PCED1B: variants seen among roughly 807,000 people sequenced by gnomAD.
PCED1B encodes PC-esterase domain-containing protein 1B.
For synonymous variants in PCED1B, 251 were observed against 246.1 expected (o/e 1.02, Z -0.19); for missense variants, 573 against 573.9 (o/e 1.00, Z 0.02).
intron 3 of PCED1B, among the ~76,000 whole-genome samples, chr12:47,228,663 A>C (rs1943706846): frequency 6.6e-6 from 1 of 152,080 alleles, no homozygotes; most frequent in Admixed American, 6.5e-5. Context: ...TGAGGTCAGG[A>C]GTTCAAGACC....
At position 47,158,710 on chromosome 12, in the gene PCED1B, T is replaced by A. The variant is rs117624760; in HGVS notation, c.-526+54515T>A. Among the ~76,000 whole-genome samples the A allele has an allele frequency of 3.3e-3, 509 of 152,354 alleles. 8 individuals are homozygous for A. In the South Asian group the frequency reaches 0.04, roughly 12 times the overall value. ...GATATTTTGTTACATGCATAGACTG[T>A]AATAATCAAGTCAGGGTACTGGGGT... On this transcript the variant is annotated intron_variant, in intron 2 of 3. Transcript: ENST00000546455.
At chr12:47,193,067 T>C (rs1942496004) in intron 2 of PCED1B, among the ~76,000 whole-genome samples, 1 of 152,224 alleles carries the variant, frequency 6.6e-6, no homozygotes, top group Admixed American at 6.5e-5. Context: ...ATTTTGCTAA[T>C]TGTTTTTGCA....
At chr12:47,192,630 A>T (rs1942481443) in intron 2 of PCED1B, among the ~76,000 whole-genome samples, 1 of 152,220 alleles carries the variant, frequency 6.6e-6, no homozygotes, top group Non-Finnish European at 1.5e-5. Context: ...ATCCTGGTCC[A>T]GTCTCTGGTA....
intron 2 of PCED1B, among the ~76,000 whole-genome samples, chr12:47,183,524 A>G (rs748813890): frequency 1.3e-5 from 2 of 152,254 alleles, no homozygotes; most frequent in Non-Finnish European, 2.9e-5. Context: ...AAGTTTAACA[A>G]TAAAGAAATC....
chr12:47,193,181 T>C (rs1013121737), intron 2 of PCED1B, among the ~76,000 whole-genome samples: 11 of 152,184 alleles, frequency 7.2e-5, no homozygotes, highest in Non-Finnish European at 1.3e-4. Context: ...TAGACTCTCA[T>C]ATGTACCAAA....
Position 47,222,116 on chromosome 12 carries a change from TAAAAAA to T in PCED1B, c.-58+5442_-58+5447del, listed in dbSNP as rs63691461. ...AGACTCTATCTCTTAAAAAAAAAAT[TAAAAAA>T]AAAAAAAAAAAAAACGCCCGGGCGT... On this transcript the variant is annotated intron_variant, in intron 3 of 3. Coordinates refer to ENST00000546455, the MANE Select transcript of PCED1B (RefSeq NM_138371.3). 5.0e-5 allele frequency among the ~76,000 whole-genome samples: 6 copies of T among 119,048 alleles called. No homozygotes were observed. In the East Asian group the frequency reaches 8.3e-4, roughly 16 times the overall value. The allele number at this position is 119,048 out of a possible 152,430, so 78.1% of individuals were successfully genotyped here.
chr12:47,147,939 C>A (rs2137436852), intron 2 of PCED1B, among the ~76,000 whole-genome samples: 1 of 152,272 alleles, frequency 6.6e-6, no homozygotes, highest in South Asian at 2.1e-4. Flanking sequence ...TTCTGGATAC[C>A]AATTTTCTTC....
rs770730988 is a variant in PCED1B at position 47,235,038 on chromosome 12, G to T, written c.-26G>T. On this transcript the variant is annotated 5_prime_UTR_variant, in exon 4 of 4. Coordinates refer to ENST00000546455, the MANE Select transcript of PCED1B (RefSeq NM_138371.3). ...GCAGAGCCATCCTGTGCAAAGGAAG[G>T]AGCTAGGCTGTGCGCCCTGGGCGTC... is the stretch of plus-strand genomic sequence containing the variant. The T allele has an allele frequency of 5.9e-6, 9 of 1,516,398 alleles. No homozygotes were observed. In the Admixed American group the frequency reaches 1.6e-4, roughly 27 times the overall value. The allele number at this position is 1,516,398 out of a possible 1,614,324, so 93.9% of individuals were successfully genotyped here.
At chr12:47,109,148 G>T (rs1267810581) in intron 2 of PCED1B, among the ~76,000 whole-genome samples, 1 of 152,142 alleles carries the variant, frequency 6.6e-6, no homozygotes, top group Non-Finnish European at 1.5e-5. Flanking sequence ...GAACAGAATT[G>T]GAGGCAGAAT....
chr12:47,206,703 T>C (rs1313075245), intron 2 of PCED1B: 1 of 151,972 alleles, frequency 6.6e-6, no homozygotes, highest in Non-Finnish European at 1.5e-5. Flanking sequence ...GGCCAGGAGT[T>C]CAAGACCAGC....
chr12:47,195,512 C>G (rs1241525716), intron 2 of PCED1B, among the ~76,000 whole-genome samples: 2 of 152,034 alleles, frequency 1.3e-5, no homozygotes, highest in Non-Finnish European at 2.9e-5. Flanking sequence ...CCTCCTTCCT[C>G]TGATTATCTT....
At chr12:47,085,344 A>G (rs1484037567) in intron 1 of PCED1B, among the ~76,000 whole-genome samples, 2 of 152,262 alleles carry the variant, frequency 1.3e-5, no homozygotes, top group Non-Finnish European at 2.9e-5. Context: ...TGCCCTGGGC[A>G]GACACAGACT....
chr12:47,171,410 C>A (rs1941731125), intron 2 of PCED1B, among the ~76,000 whole-genome samples: 1 of 152,130 alleles, frequency 6.6e-6, no homozygotes, highest in Non-Finnish European at 1.5e-5. Flanking sequence ...TGGCTTAATA[C>A]TTTGGGTTCT....
intron 2 of PCED1B, among the ~76,000 whole-genome samples, chr12:47,147,761 C>G (rs1216557794): frequency 6.6e-6 from 1 of 152,172 alleles, no homozygotes; most frequent in Non-Finnish European, 1.5e-5. Flanking sequence ...TAGGCTCTCC[C>G]TAGTTCTGGA....
At position 47,134,272 on chromosome 12, in the gene PCED1B, T is replaced by A. The variant is rs57941365; in HGVS notation, c.-526+30077T>A. 2.9e-3 allele frequency among the ~76,000 whole-genome samples: 441 copies of A among 152,374 alleles called. 3 individuals are homozygous for A. Among genetic ancestry groups the A allele is most frequent in the African/African-American group, 0.01 (424 of 41,594 alleles). On this transcript the variant is annotated intron_variant, in intron 2 of 3. Coordinates refer to ENST00000546455, the MANE Select transcript of PCED1B (RefSeq NM_138371.3). ...AATTAGTACAGGAGATTTCAAAATT[T>A]ACTTTGTAGATATAGTTGTGTGTTT...
chr12:47,132,233 G>C (rs1047361533), intron 2 of PCED1B, among the ~76,000 whole-genome samples: 1 of 152,134 alleles, frequency 6.6e-6, no homozygotes, highest in Admixed American at 6.5e-5. Flanking sequence ...AGTTGAGATA[G>C]AGCTTTGATT....
At chr12:47,205,526 T>C (rs190036356) in intron 2 of PCED1B, among the ~76,000 whole-genome samples, 1 of 152,302 alleles carries the variant, frequency 6.6e-6, no homozygotes, top group Non-Finnish European at 1.5e-5. Flanking sequence ...TTCAAAGTTA[T>C]ACTATAAACT....
In PCED1B at chr12:47,193,667, T is replaced by G. The variant is rs143700937; in HGVS notation, c.-525-22555T>G. 2.6e-5 allele frequency among the ~76,000 whole-genome samples: 4 copies of G among 152,336 alleles called. No individual in the cohort carries two copies. The East Asian group carries it at 7.7e-4, about 29-fold the overall frequency. On this transcript the variant is annotated intron_variant, in intron 2 of 3. Coordinates refer to ENST00000546455, the MANE Select transcript of PCED1B (RefSeq NM_138371.3). Reference sequence around the variant, plus strand: ...CCCTGAGTAGCTTCAATCATGGTTCTCTAGTAAGTTAGAATTATATTTTCT... The same window carrying G: ...CCCTGAGTAGCTTCAATCATGGTTCGCTAGTAAGTTAGAATTATATTTTCT...
intron 2 of PCED1B, among the ~76,000 whole-genome samples, chr12:47,166,230 A>C (rs1241986433): frequency 6.6e-6 from 1 of 152,202 alleles, no homozygotes; most frequent in Non-Finnish European, 1.5e-5. Context: ...CAGACGGTCT[A>C]ATCACATTGG....
Sources: gnomAD v4.1 joint callset for allele counts (sites outside exome capture counted in the v4.1 genomes callset) on GRCh38, gnomAD v4.1.1 for gene constraint, MANE v1.5 for transcripts, NCBI Gene and HGNC (gene_info 2026-07-23, HGNC 2026-07-21) for gene names.